CACNB2: variants seen among roughly 807,000 people sequenced by gnomAD.
The protein encoded by CACNB2 is calcium voltage-gated channel auxiliary subunit beta 2, also known as voltage-dependent L-type calcium channel subunit beta-2.
CACNB2 carries 42 observed loss-of-function variants against 73.3 expected under a neutral mutation model. That is an observed-to-expected ratio of 0.57 (90% CI 0.45 to 0.74). The LOEUF (loss-of-function observed/expected upper bound fraction) is 0.74, where lower values mean the gene tolerates loss of function less well. Among genes scored for constraint, CACNB2 ranks in the 30% least tolerant of loss-of-function variants. The pLI is 0.00. For synonymous variants in CACNB2, 348 were observed against 310.3 expected (o/e 1.12, Z -1.28); for missense variants, 940 against 853.0 (o/e 1.10, Z -1.27).
intron 2 of CACNB2, among the ~76,000 whole-genome samples, chr10:18,379,248 T>C (rs1391288820): frequency 6.6e-6 from 1 of 152,202 alleles, no homozygotes; most frequent in Non-Finnish European, 1.5e-5. Context: ...GGGGTCTCAC[T>C]GTCATCCAGG....
intron 2 of CACNB2, among the ~76,000 whole-genome samples, chr10:18,349,230 C>G (rs755593119): frequency 2.0e-5 from 3 of 152,224 alleles, no homozygotes; most frequent in Non-Finnish European, 4.4e-5. Context: ...CCCATACAGC[C>G]TCCACTTGAC....
At chr10:18,467,038 C>A (rs915415538) in intron 3 of CACNB2, among the ~76,000 whole-genome samples, 1 of 152,048 alleles carries the variant, frequency 6.6e-6, no homozygotes, top group Non-Finnish European at 1.5e-5. Context: ...CCTGTAATCC[C>A]AGCTGCTAGG....
intron 3 of CACNB2, among the ~76,000 whole-genome samples, chr10:18,431,180 G>C (rs34195643): frequency 6.6e-6 from 1 of 152,036 alleles, no homozygotes; most frequent in African/African-American, 2.4e-5. Flanking sequence ...ATGGGGTCTC[G>C]GTGTGTTGCA....
At chr10:18,524,494 A>C (rs762800595) in intron 9 of CACNB2, among the ~76,000 whole-genome samples, 5 of 151,596 alleles carry the variant, frequency 3.3e-5, no homozygotes, top group Non-Finnish European at 5.9e-5. Flanking sequence ...GTTTCTACTA[A>C]AAGTACAAAA....
intron 3 of CACNB2, among the ~76,000 whole-genome samples, chr10:18,467,187 A>G (rs1257400091): frequency 1.3e-5 from 2 of 152,254 alleles, no homozygotes; most frequent in African/African-American, 4.8e-5. Flanking sequence ...GATGAAACAG[A>G]AAAACATTGT....
At chr10:18,215,819 A>T (rs918483514) in intron 2 of CACNB2, among the ~76,000 whole-genome samples, 9 of 152,126 alleles carry the variant, frequency 5.9e-5, no homozygotes, top group Admixed American at 3.9e-4. Context: ...GGCCATGTTG[A>T]TGTTTAAGAG....
chr10:18,494,991 C>T (rs894548409), intron 3 of CACNB2, among the ~76,000 whole-genome samples: 1 of 152,088 alleles, frequency 6.6e-6, no homozygotes, highest in Admixed American at 6.5e-5. Context: ...GTGCTGGGTA[C>T]AGTATAAAAC....
intron 3 of CACNB2, among the ~76,000 whole-genome samples, chr10:18,410,946 C>T (rs951673018): frequency 2.0e-5 from 3 of 152,096 alleles, no homozygotes; most frequent in Non-Finnish European, 4.4e-5. Flanking sequence ...CGCCACTGCA[C>T]TCCAGCCTGG....
intron 2 of CACNB2, among the ~76,000 whole-genome samples, chr10:18,158,704 A>G (rs574173982): frequency 6.5e-4 from 99 of 152,304 alleles, no homozygotes; most frequent in Admixed American, 2.2e-3. Flanking sequence ...CTCTAAGTTT[A>G]GTTGTCTTAG....
chr10:18,501,216 A>G (rs2050175588), intron 5 of CACNB2, among the ~76,000 whole-genome samples: 1 of 152,240 alleles, frequency 6.6e-6, no homozygotes, highest in Non-Finnish European at 1.5e-5. Context: ...GCTCCAGGGC[A>G]GAGGAAAATC....
At chr10:18,329,130 T>A (rs946687499) in intron 2 of CACNB2, among the ~76,000 whole-genome samples, 26 of 152,184 alleles carry the variant, frequency 1.7e-4, no homozygotes, top group African/African-American at 5.8e-4. Flanking sequence ...ATTTTCTTTT[T>A]ATTCTTAATT....
chr10:18,263,802 T>G (rs2037665544), intron 2 of CACNB2, among the ~76,000 whole-genome samples: 1 of 152,260 alleles, frequency 6.6e-6, no homozygotes, highest in African/African-American at 2.4e-5. Context: ...AAAACTTCTC[T>G]GAGCAGTGGG....
At chr10:18,445,170 A>T (rs972388742) in intron 3 of CACNB2, among the ~76,000 whole-genome samples, 2 of 152,064 alleles carry the variant, frequency 1.3e-5, no homozygotes, top group Non-Finnish European at 2.9e-5. Context: ...TTATTTTTTC[A>T]GTTCATTATT....
chr10:18,532,676 C>CAAAAAAAAAAAAAAAAA (rs1219587375), intron 10 of CACNB2, among the ~76,000 whole-genome samples: 22 of 92,538 alleles, frequency 2.4e-4, no homozygotes, highest in East Asian at 4.7e-4. Flanking sequence ...GACTCTGTCT[C>CAAAAAAAAAAAAAAAAA]AAAAAAAAAA....
chr10:18,513,429 T>G (rs1042796548), intron 6 of CACNB2: 4 of 210,402 alleles, frequency 1.9e-5, no homozygotes, highest in Non-Finnish European at 2.9e-5. Flanking sequence ...ATTATTGTTC[T>G]TGAGTAGTCG....
rs7079986 is a variant in CACNB2, at chr10:18,145,209, G to A, written c.120+4353G>A. ...GGTGATGGCAACATCCTGAATGGCT[G>A]TAGCAAGGAGCTTTATCCAAAAAGA... On this transcript the variant is annotated intron_variant, in intron 1 of 13. Transcript: ENST00000324631. Among the ~76,000 whole-genome samples, 871 of 152,338 alleles carry A rather than the reference G, an allele frequency of 5.7e-3. 5 individuals are homozygous for A. The highest frequency in any genetic ancestry group is 0.02 in the African/African-American group (827 of 41,572).
intron 2 of CACNB2, among the ~76,000 whole-genome samples, chr10:18,300,994 G>C (rs1468076530): frequency 6.6e-6 from 1 of 152,178 alleles, no homozygotes; most frequent in African/African-American, 2.4e-5. Flanking sequence ...AAGAAAATGA[G>C]TGAGGAAAGA....
chr10:18,536,254 T>TG, intron 12 of CACNB2, 58 bp downstream of exon 12: 1 of 632,282 alleles, frequency 1.6e-6, no homozygotes, highest in East Asian at 3.9e-5. Flanking sequence ...TTTTTTTTTT[T>TG]TTTTTTTTTT....
intron 9 of CACNB2, among the ~76,000 whole-genome samples, chr10:18,520,798 G>T (rs2051796956): frequency 1.3e-5 from 2 of 152,190 alleles, no homozygotes; most frequent in African/African-American, 4.8e-5. Context: ...AGTTCCTTCT[G>T]CTAGGAACAC....
Sources: gnomAD v4.1 joint callset for allele counts (sites outside exome capture counted in the v4.1 genomes callset) on GRCh38, gnomAD v4.1.1 for gene constraint, MANE v1.5 for transcripts, NCBI Gene and HGNC (gene_info 2026-07-23, HGNC 2026-07-21) for gene names.